ADGRG1: variants seen among roughly 807,000 people sequenced by gnomAD.
ADGRG1 encodes the protein 7-transmembrane protein with no EGF-like N-terminal domains-1.
A neutral mutation model predicts 73.5 loss-of-function variants in ADGRG1; 53 were observed. The observed-to-expected ratio is 0.72, with a 90% CI of 0.58 to 0.91. The LOEUF (loss-of-function observed/expected upper bound fraction) is 0.91, where lower values mean the gene tolerates loss of function less well. Ranked by LOEUF, ADGRG1 falls within the 40% of genes least tolerant of loss-of-function variation. ADGRG1 has a pLI of 0.00. For synonymous variants in ADGRG1, 394 were observed against 374.4 expected (o/e 1.05, Z -0.60); for missense variants, 795 against 871.8 (o/e 0.91, Z 1.11).
rs780294064 is a variant in ADGRG1 at position 57,659,587 on chromosome 16, G to T, written c.1461G>T (p.Met487Ile). Residue 487 changes from methionine (M) to isoleucine (I), a missense_variant, in exon 11 of 14, where the codon ATG becomes ATT. Physicochemically the swap from Met to Ile is conservative, Grantham distance 10. Coordinates refer to ENST00000562631, the MANE Select transcript of ADGRG1 (RefSeq NM_201525.4). ...HFSLLTCLSW[M>I]GLEGYNLYRL... is the part of the protein sequence containing the mutation. Reference sequence around the variant, plus strand: ...CCCTGCTCACCTGCCTTTCCTGGATGGGCCTCGAGGGGTACAACCTCTACC... The same window carrying T: ...CCCTGCTCACCTGCCTTTCCTGGATTGGCCTCGAGGGGTACAACCTCTACC... 1 of 1,614,050 alleles carries T rather than the reference G, an allele frequency of 6.2e-7. No individual in the cohort carries two copies. Among genetic ancestry groups the T allele is most frequent in the Non-Finnish European group, 8.5e-7 (1 of 1,179,954 alleles).
At position 57,659,474 on chromosome 16, in the gene ADGRG1, C is replaced by T. The variant is rs2046542157; in HGVS notation, c.1348C>T (p.Leu450=). The T allele has an allele frequency of 6.2e-7, 1 of 1,613,794 alleles. No homozygotes were observed. Among genetic ancestry groups the T allele is most frequent in the Non-Finnish European group, 8.5e-7 (1 of 1,179,880 alleles). Residue 450 remains leucine (L), a synonymous_variant, in exon 11 of 14, where the codon CTG becomes TTG. Transcript: ENST00000562631. ...HMNLLLAVFL[L]DTSFLLSEPV... is the part of the protein sequence containing the mutation. Reference sequence around the variant, plus strand: ...GAACCTGCTGCTGGCCGTCTTCCTGCTGGACACGAGCTTCCTGCTCAGCGA... The same window carrying T: ...GAACCTGCTGCTGGCCGTCTTCCTGTTGGACACGAGCTTCCTGCTCAGCGA...
At chr16:57,636,742 C>T (rs77801781) in intron 1 of ADGRG1, 2 of 972,982 alleles carry the variant, frequency 2.1e-6, no homozygotes, top group Non-Finnish European at 1.2e-6. Context: ...CCAGCAGTCA[C>T]TGGGGATCTT....
chr16:57,621,767 C>A, intron 2 of ADGRG1: 1 of 711,340 alleles, frequency 1.4e-6, no homozygotes, highest in Non-Finnish European at 1.7e-6. Flanking sequence ...ACTCAGACCT[C>A]ACAGGCCAGG....
chr16:57,660,830 A>G lies in ADGRG1; in HGVS notation c.1618A>G (p.Ile540Val), dbSNP rs2148577232. 1.9e-6 allele frequency: 3 copies of G among 1,613,098 alleles called. No individual in the cohort carries two copies. The highest frequency in any genetic ancestry group is 2.2e-5 in the East Asian group (1 of 44,870). The change falls in exon 12 of 14, where the codon ATC (isoleucine) becomes GTC (valine). Residue 540 changes from isoleucine to valine, a missense_variant. Ile to Val is a conservative substitution (Grantham distance 29). Coordinates refer to ENST00000562631, the MANE Select transcript of ADGRG1 (RefSeq NM_201525.4). Reference protein sequence around the residue: ...LVDVDNYGPIILAVHRTPEGV... With the variant: ...LVDVDNYGPIVLAVHRTPEGV... ...GGATGTGGACAACTATGGCCCCATC[A>G]TCTTGGCTGTGCATAGGACTCCAGA...
intron 1 of ADGRG1, among the ~76,000 whole-genome samples, chr16:57,637,967 G>A (rs2039790865): frequency 6.6e-6 from 1 of 152,234 alleles, no homozygotes; most frequent in Non-Finnish European, 1.5e-5. Context: ...CCTATCTGCT[G>A]GCCTGGAACC....
chr16:57,639,099 A>G (rs1320601252), intron 1 of ADGRG1, among the ~76,000 whole-genome samples: 1 of 152,180 alleles, frequency 6.6e-6, no homozygotes, highest in Non-Finnish European at 1.5e-5. Flanking sequence ...TTGGTTTTAA[A>G]GTCAATGTTG....
intron 1 of ADGRG1, chr16:57,630,558 G>A (rs1206539119): frequency 2.3e-5 from 23 of 981,746 alleles, no homozygotes; most frequent in South Asian, 4.7e-5. Context: ...GGAGAACGCC[G>A]CTCCAGGTGT....
intron 8 of ADGRG1, 74 bp downstream of exon 8, chr16:57,656,345 G>A: frequency 6.2e-7 from 1 of 1,611,770 alleles, no homozygotes; most frequent in Non-Finnish European, 8.5e-7. Flanking sequence ...GGGGGAGGTG[G>A]GGTTAATCAC....
At chr16:57,661,381 G>T in intron 12 of ADGRG1, 2 of 985,336 alleles carry the variant, frequency 2.0e-6, no homozygotes, top group Non-Finnish European at 2.4e-6. Flanking sequence ...GGAAGCCAGG[G>T]TTCCTGAGCT....
Position 57,665,294 on chromosome 16 carries a change from A to G in ADGRG1, c.*1712A>G, listed in dbSNP as rs541752686. The G allele has an allele frequency of 6.6e-6, 1 of 152,270 alleles. No homozygotes were observed. The highest frequency in any genetic ancestry group is 1.5e-5 in the Non-Finnish European group (1 of 68,080). 9.4% of individuals were successfully genotyped at this position (152,270 alleles called of 1,614,324 possible). On this transcript the variant is annotated 3_prime_UTR_variant, in exon 14 of 14. Transcript: ENST00000562631. ...TGGCGAACTGGAGACTCCCAACCCC[A>G]TGCTGAGAGCGTGGCTGCTCATCAG...
chr16:57,635,441 G>T, intron 1 of ADGRG1: 1 of 985,420 alleles, frequency 1.0e-6, no homozygotes, highest in Non-Finnish European at 1.2e-6. Flanking sequence ...CAGCACCCTT[G>T]CCAGCCATGG....
upstream of ADGRG1, chr16:57,624,819 C>T: frequency 2.1e-6 from 1 of 480,942 alleles, no homozygotes; most frequent in Non-Finnish European, 2.7e-6. Flanking sequence ...CCTTTGCAGG[C>T]CCCTCTGAAT....
At chr16:57,625,159 G>A (rs1311189304), upstream of ADGRG1, among the ~76,000 whole-genome samples, 1 of 152,006 alleles carries the variant, frequency 6.6e-6, no homozygotes, top group Non-Finnish European at 1.5e-5. Context: ...ACCATCTCTG[G>A]ACTCCGTCGC....
intron 1 of ADGRG1, chr16:57,648,741 C>G: frequency 1.0e-6 from 1 of 980,960 alleles, no homozygotes; most frequent in Non-Finnish European, 1.2e-6. Context: ...CCGCGCCACG[C>G]AGGATGAGGT....
upstream of ADGRG1, chr16:57,627,203 C>A: frequency 2.1e-6 from 1 of 466,462 alleles, no homozygotes; most frequent in Non-Finnish European, 2.8e-6. Context: ...AGCCCTGGCT[C>A]CTAGGCTGCC....
intron 1 of ADGRG1, chr16:57,648,228 C>G (rs1256463642): frequency 6.5e-6 from 1 of 152,738 alleles, no homozygotes; most frequent in Non-Finnish European, 1.5e-5. Flanking sequence ...TGACAGGAAA[C>G]AGAAGGAAAG....
chr16:57,644,152 A>C (rs4471674), intron 1 of ADGRG1: 563,430 of 984,408 alleles, frequency 0.57, 164,257 homozygotes, highest in African/African-American at 0.88. Flanking sequence ...TGTTCCTCTG[A>C]GGAGCTCCCC....
chr16:57,645,529 G>A (rs994457179), intron 1 of ADGRG1, among the ~76,000 whole-genome samples: 2 of 152,178 alleles, frequency 1.3e-5, no homozygotes, highest in Non-Finnish European at 2.9e-5. Flanking sequence ...CCCTGGCCCC[G>A]AGTCCAGGCC....
Position 57,664,031 on chromosome 16 carries a change from T to C in ADGRG1, c.*449T>C. On this transcript the variant is annotated 3_prime_UTR_variant, in exon 14 of 14. Coordinates refer to ENST00000562631, the MANE Select transcript of ADGRG1 (RefSeq NM_201525.4). ...GTCACCCTGAGGGCACTCTGCATCC[T>C]CTGTCATTTTAACCTCAGGTGGCAC... 1 of 200,526 alleles carries C rather than the reference T, an allele frequency of 5.0e-6. No individual in the cohort carries two copies. Among genetic ancestry groups the C allele is most frequent in the Non-Finnish European group, 1.0e-5 (1 of 97,112 alleles). The allele number at this position is 200,526 out of a possible 1,614,324, so 12.4% of individuals were successfully genotyped here.
Sources: allele counts gnomAD v4.1 joint callset (sites outside exome capture counted in the v4.1 genomes callset), GRCh38; gene constraint gnomAD v4.1.1; transcripts MANE v1.5; gene names NCBI Gene and HGNC (gene_info 2026-07-23, HGNC 2026-07-21).